Variants in TSHZ2 observed in about 807,000 individuals in gnomAD.
The protein encoded by TSHZ2 is teashirt zinc finger homeobox 2, also known as teashirt homolog 2.
In TSHZ2, 21 loss-of-function variants were observed where a neutral mutation model predicts 74.4. The ratio of observed to expected loss-of-function variants is 0.28; its 90% confidence interval spans 0.20 to 0.41. TSHZ2 has a LOEUF of 0.41. Among genes scored for constraint, TSHZ2 ranks in the 10% least tolerant of loss-of-function variants. The pLI is 1.00. For synonymous variants in TSHZ2, 540 were observed against 515.3 expected (o/e 1.05, Z -0.65); for missense variants, 1,244 against 1,293.5 (o/e 0.96, Z 0.59).
At chr20:53,240,766 GA>G in intron 1 of TSHZ2, among the ~76,000 whole-genome samples, 1 of 150,814 alleles carries the variant, frequency 6.6e-6, no homozygotes, top group Non-Finnish European at 1.5e-5. Flanking sequence ...TAGATAGATA[GA>G]TAGATATGGT....
chr20:53,209,995 A>T (rs140077495), intron 1 of TSHZ2, among the ~76,000 whole-genome samples: 1 of 152,342 alleles, frequency 6.6e-6, no homozygotes, highest in East Asian at 1.9e-4. Context: ...ATGCGTTTCA[A>T]TTTGGAAACA....
intron 1 of TSHZ2, 49 bp from the exon 2 acceptor site, chr20:53,253,450 G>T (rs781254183): frequency 8.5e-6 from 13 of 1,537,574 alleles, no homozygotes; most frequent in Non-Finnish European, 1.1e-5. Flanking sequence ...AATTGGAATG[G>T]AATATGGAGC....
chr20:53,118,965 A>G (rs150720412), intron 1 of TSHZ2, among the ~76,000 whole-genome samples: 2 of 152,184 alleles, frequency 1.3e-5, no homozygotes, highest in African/African-American at 4.8e-5. Flanking sequence ...AGAGGGAGAG[A>G]GAGAGAGGTC....
chr20:53,326,050 G>A (rs1432840359), intron 2 of TSHZ2, among the ~76,000 whole-genome samples: 2 of 152,152 alleles, frequency 1.3e-5, no homozygotes, highest in Non-Finnish European at 1.5e-5. Context: ...CCAAAGTGCT[G>A]GGACTACAGG....
At chr20:53,486,535 T>G (rs1174279388) in intron 2 of TSHZ2, among the ~76,000 whole-genome samples, 4 of 151,822 alleles carry the variant, frequency 2.6e-5, no homozygotes, top group Non-Finnish European at 4.4e-5. Flanking sequence ...ATAAACCTAG[T>G]CAGGCATGAT....
At chr20:53,204,071 A>C (rs1989077158) in intron 1 of TSHZ2, among the ~76,000 whole-genome samples, 1 of 144,018 alleles carries the variant, frequency 6.9e-6, no homozygotes, top group Admixed American at 6.9e-5. Flanking sequence ...ATCATATTAT[A>C]TGATACTATT....
chr20:53,492,518 T>C lies in TSHZ2; in HGVS notation c.*5383T>C, dbSNP rs919540144. 1 of 152,190 alleles carries C rather than the reference T, an allele frequency of 6.6e-6. No individual in the cohort carries two copies. The highest frequency in any genetic ancestry group is 2.4e-5 in the African/African-American group (1 of 41,446). The allele number at this position is 152,190 out of a possible 1,614,324, so 9.4% of individuals were successfully genotyped here. A position where few individuals can be genotyped will look rare whatever the true frequency, so the allele number is the denominator to read the frequency against. ...CTCAGGGTTCCTAAATGTCACAATATCTTGGGTAAAATATACTTTTTGATT... is the reference window on the plus strand; with the variant it reads ...CTCAGGGTTCCTAAATGTCACAATACCTTGGGTAAAATATACTTTTTGATT... On this transcript the variant is annotated 3_prime_UTR_variant, in exon 3 of 3. Transcript: ENST00000371497.
At chr20:53,270,791 G>A (rs905030259) in intron 2 of TSHZ2, among the ~76,000 whole-genome samples, 4 of 151,942 alleles carry the variant, frequency 2.6e-5, no homozygotes, top group East Asian at 1.9e-4. Context: ...TTTTTTTATC[G>A]ATGGAGAAAA....
At chr20:53,107,057 C>T (rs906000883) in intron 1 of TSHZ2, among the ~76,000 whole-genome samples, 2 of 152,146 alleles carry the variant, frequency 1.3e-5, no homozygotes, top group Non-Finnish European at 2.9e-5. Flanking sequence ...TTTCCCGTTG[C>T]TGTTTCCTTT....
intron 1 of TSHZ2, among the ~76,000 whole-genome samples, chr20:53,237,338 A>T (rs1442856512): frequency 2.6e-5 from 4 of 152,224 alleles, no homozygotes; most frequent in Non-Finnish European, 4.4e-5. Flanking sequence ...TCTGAATCAC[A>T]CACAACTGAG....
chr20:53,173,197 A>C (rs1375548391), intron 1 of TSHZ2, among the ~76,000 whole-genome samples: 1 of 152,248 alleles, frequency 6.6e-6, no homozygotes, highest in Non-Finnish European at 1.5e-5. Context: ...GAATAACTTT[A>C]ACAAAATAAA....
At chr20:53,253,319 A>C (rs1416260968) in intron 1 of TSHZ2, among the ~76,000 whole-genome samples, 180 bp from the exon 2 acceptor site, 4 of 146,456 alleles carry the variant, frequency 2.7e-5, no homozygotes, top group East Asian at 1.9e-4. Flanking sequence ...AAAAAAAAAA[A>C]ACACTAGATG....
At chr20:53,459,090 A>G (rs1600657366) in intron 2 of TSHZ2, among the ~76,000 whole-genome samples, 2 of 152,172 alleles carry the variant, frequency 1.3e-5, no homozygotes, top group East Asian at 3.8e-4. Context: ...CGCTTGGTAC[A>G]GAGCTGAGTT....
intron 1 of TSHZ2, among the ~76,000 whole-genome samples, chr20:53,053,993 A>G (rs1324549141): frequency 6.6e-6 from 1 of 152,136 alleles, no homozygotes; most frequent in African/African-American, 2.4e-5. Context: ...TAGCATTTTG[A>G]TTTTATTGAG....
intron 1 of TSHZ2, among the ~76,000 whole-genome samples, chr20:53,176,457 G>A (rs1988338598): frequency 6.6e-6 from 1 of 152,076 alleles, no homozygotes; most frequent in Non-Finnish European, 1.5e-5. Flanking sequence ...CTTAATTGAG[G>A]GTTGCTAGGG....
intron 2 of TSHZ2, among the ~76,000 whole-genome samples, chr20:53,327,732 T>C (rs1979553732): frequency 6.6e-6 from 1 of 152,160 alleles, no homozygotes; most frequent in Admixed American, 6.5e-5. Context: ...GAGCATAGAC[T>C]CTAGTTCGAG....
At position 53,243,802 on chromosome 20, in the gene TSHZ2, G is replaced by A. The variant is rs181272443; in HGVS notation, c.41-9697G>A. On this transcript the variant is annotated intron_variant, in intron 1 of 2. Transcript: ENST00000371497. ...TGTAGCTTTTCTGAGAGAACAGTGG[G>A]TTTCTTGCTTGCTTGCTTGCTTTTT... 4.3e-3 allele frequency among the ~76,000 whole-genome samples: 646 copies of A among 150,418 alleles called. 8 individuals are homozygous for A. Among genetic ancestry groups the A allele is most frequent in the African/African-American group, 0.014 (595 of 41,188 alleles).
chr20:53,151,812 T>C (rs1249101573), intron 1 of TSHZ2, among the ~76,000 whole-genome samples: 1 of 152,222 alleles, frequency 6.6e-6, no homozygotes, highest in Admixed American at 6.5e-5. Flanking sequence ...TTGGTCATAA[T>C]TGATACATAT....
At chr20:53,441,198 T>C (rs1045543899) in intron 2 of TSHZ2, among the ~76,000 whole-genome samples, 44 of 151,070 alleles carry the variant, frequency 2.9e-4, no homozygotes, top group African/African-American at 1.1e-3. Context: ...TCCTTTTTTT[T>C]CCATTATAAC....
Sources: gnomAD v4.1 joint callset for allele counts (sites outside exome capture counted in the v4.1 genomes callset) on GRCh38, gnomAD v4.1.1 for gene constraint, MANE v1.5 for transcripts, NCBI Gene and HGNC (gene_info 2026-07-23, HGNC 2026-07-21) for gene names.